PREX1: variants seen among roughly 807,000 people sequenced by gnomAD.
PREX1 encodes phosphatidylinositol 3,4,5-trisphosphate-dependent Rac exchanger 1 protein.
In PREX1, 41 loss-of-function variants were observed where a neutral mutation model predicts 198.3. The observed-to-expected ratio is 0.21, with a 90% CI of 0.16 to 0.27. PREX1 has a LOEUF of 0.27. PREX1 is among the 10% of genes least tolerant of loss of function. PREX1 has a pLI of 1.00. For synonymous variants in PREX1, 843 were observed against 887.2 expected (o/e 0.95, Z 0.89); for missense variants, 1,620 against 2,200.7 (o/e 0.74, Z 5.28).
At chr20:48,833,900 G>A in the PREX1 span, among the ~76,000 whole-genome samples, 9 of 152,224 alleles carry the variant, frequency 5.9e-5, no homozygotes, top group East Asian at 3.9e-4. Context: ...TGGCTAACAC[G>A]GTGAAACCCC....
chr20:48,688,641 G>A lies in PREX1; in HGVS notation c.1334+16C>T. 2 of 1,614,036 alleles carry A rather than the reference G, an allele frequency of 1.2e-6. No homozygotes were observed. Among genetic ancestry groups the A allele is most frequent in the Middle Eastern group, 1.7e-4 (1 of 6,060 alleles). ...AGAGCCCAGGGACCCAGGGAGTTCA[G>A]AGTGAGGCTACTCACTTGCCAAGAA... On this transcript the variant is annotated intron_variant, in intron 10 of 39. Transcript: ENST00000371941.
chr20:48,860,996 G>A, the PREX1 span, among the ~76,000 whole-genome samples: 97 of 152,200 alleles, frequency 6.4e-4, no homozygotes, highest in Admixed American at 2.2e-3. Flanking sequence ...AAAAATTGTA[G>A]TAAGAACAAA....
the PREX1 span, among the ~76,000 whole-genome samples, chr20:48,857,764 C>A: frequency 1.3e-5 from 2 of 152,156 alleles, no homozygotes; most frequent in Non-Finnish European, 2.9e-5. Flanking sequence ...CAGAGTAAGA[C>A]CCTGTGTCAA....
intron 1 of PREX1, among the ~76,000 whole-genome samples, chr20:48,767,583 G>A (rs2426091): frequency 0.34 from 51,283 of 151,908 alleles, 9,923 homozygotes; most frequent in Non-Finnish European, 0.42. Context: ...AAATGCCAAC[G>A]CTTACGTTAC....
chr20:48,792,727 T>A (rs2090343729), intron 1 of PREX1, among the ~76,000 whole-genome samples: 1 of 149,700 alleles, frequency 6.7e-6, no homozygotes, highest in African/African-American at 2.5e-5. Flanking sequence ...TGTATATCCA[T>A]ATAATGGAAT....
chr20:48,646,961 C>G (rs1362328063), intron 25 of PREX1, among the ~76,000 whole-genome samples: 2 of 152,258 alleles, frequency 1.3e-5, no homozygotes, highest in Non-Finnish European at 1.5e-5. Flanking sequence ...TGTAAACAGG[C>G]TAGGCCCAGT....
At chr20:48,883,223 C>T in the PREX1 span, among the ~76,000 whole-genome samples, 94 of 152,044 alleles carry the variant, frequency 6.2e-4, 1 homozygote, top group Non-Finnish European at 5.9e-4. Flanking sequence ...CATGAGACAC[C>T]GTGCCTGGCC....
chr20:48,848,516 C>G, the PREX1 span, among the ~76,000 whole-genome samples: 1 of 152,116 alleles, frequency 6.6e-6, no homozygotes, highest in Non-Finnish European at 1.5e-5. Flanking sequence ...CTCATCCTCC[C>G]AAAGTGCTAG....
intron 1 of PREX1, among the ~76,000 whole-genome samples, chr20:48,795,145 G>A (rs2090355658): frequency 6.6e-6 from 1 of 152,180 alleles, no homozygotes; most frequent in South Asian, 2.1e-4. Flanking sequence ...CATAAGGACA[G>A]GGGCTCGGGT....
chr20:48,809,060 C>T (rs923582360), intron 1 of PREX1, among the ~76,000 whole-genome samples: 3 of 152,208 alleles, frequency 2.0e-5, no homozygotes, highest in Admixed American at 6.5e-5. Context: ...GCAGGAACAC[C>T]TTCCCCACCA....
chr20:48,755,989 A>C (rs1449059557), intron 1 of PREX1, among the ~76,000 whole-genome samples: 1 of 152,194 alleles, frequency 6.6e-6, no homozygotes, highest in East Asian at 1.9e-4. Flanking sequence ...TGCCCCAATC[A>C]TCAGGACCCC....
intron 10 of PREX1, 139 bp from the exon 11 acceptor site, chr20:48,681,474 T>C (rs2089750143): frequency 2.5e-6 from 2 of 798,944 alleles, no homozygotes; most frequent in Non-Finnish European, 4.4e-6. Flanking sequence ...TGTAGTAGTC[T>C]ATAGCCCTTG....
At chr20:48,627,985 A>T in intron 37 of PREX1, 22 bp from the exon 38 acceptor site, 1 of 1,448,392 alleles carries the variant, frequency 6.9e-7, no homozygotes, top group Non-Finnish European at 9.5e-7. Context: ...GAGGGAGGAC[A>T]GCGGGTTGGC....
chr20:48,733,904 C>T (rs530287704), intron 4 of PREX1, among the ~76,000 whole-genome samples: 44 of 152,208 alleles, frequency 2.9e-4, no homozygotes, highest in African/African-American at 1.1e-3. Flanking sequence ...GCACATGCCG[C>T]CACGCCCAGT....
At chr20:48,798,253 T>C (rs932697596) in intron 1 of PREX1, among the ~76,000 whole-genome samples, 1 of 152,068 alleles carries the variant, frequency 6.6e-6, no homozygotes, top group African/African-American at 2.4e-5. Context: ...CCACTACCAA[T>C]TCAAGTCCAA....
chr20:48,711,621 C>T (rs933812857), intron 5 of PREX1, among the ~76,000 whole-genome samples: 2 of 152,184 alleles, frequency 1.3e-5, no homozygotes, highest in Non-Finnish European at 2.9e-5. Flanking sequence ...ACCAAGTATC[C>T]TCATTTCACT....
At chr20:48,729,135 T>C (rs892648564) in intron 4 of PREX1, among the ~76,000 whole-genome samples, 1 of 151,914 alleles carries the variant, frequency 6.6e-6, no homozygotes, top group Non-Finnish European at 1.5e-5. Flanking sequence ...TGGAGTGCAG[T>C]GTGCAATCTC....
At chr20:48,779,029 C>T (rs1420652016) in intron 1 of PREX1, among the ~76,000 whole-genome samples, 2 of 152,034 alleles carry the variant, frequency 1.3e-5, no homozygotes, top group Admixed American at 6.6e-5. Flanking sequence ...AAAATGAAAA[C>T]TTTTGCCATG....
chr20:48,677,954 C>T (rs909308699), intron 13 of PREX1, among the ~76,000 whole-genome samples: 1 of 152,092 alleles, frequency 6.6e-6, no homozygotes, highest in Non-Finnish European at 1.5e-5. Context: ...CCAATGCACT[C>T]CAGCCTGGGC....
Sources: gnomAD v4.1 joint callset for allele counts (sites outside exome capture counted in the v4.1 genomes callset) on GRCh38, gnomAD v4.1.1 for gene constraint, MANE v1.5 for transcripts, NCBI Gene and HGNC (gene_info 2026-07-23, HGNC 2026-07-21) for gene names.